CPED1: variants seen among roughly 807,000 people sequenced by gnomAD.
CPED1 encodes the protein cadherin-like and PC-esterase domain-containing protein 1.
Under a neutral mutation model 128.2 loss-of-function variants are expected in CPED1, and 114 were observed. The observed-to-expected ratio is 0.89, with a 90% CI of 0.76 to 1.04. CPED1 has a LOEUF of 1.04. CPED1 is among the 50% of genes least tolerant of loss of function. CPED1 has a pLI of 0.00. For synonymous variants in CPED1, 462 were observed against 426.7 expected (o/e 1.08, Z -1.02); for missense variants, 1,211 against 1,207.1 (o/e 1.00, Z -0.05).
At chr7:121,013,415 C>G (rs2116805093) in intron 2 of CPED1, among the ~76,000 whole-genome samples, 1 of 152,258 alleles carries the variant, frequency 6.6e-6, no homozygotes, top group South Asian at 2.1e-4. Context: ...AGCTACAGTT[C>G]TATTCTTTTT....
chr7:121,292,428 A>G (rs980583112), intron 22 of CPED1, among the ~76,000 whole-genome samples: 2 of 152,000 alleles, frequency 1.3e-5, no homozygotes, highest in Admixed American at 1.3e-4. Flanking sequence ...ACCTTTTATC[A>G]AGGTTCTTAA....
chr7:121,290,186 T>G (rs556472544), intron 22 of CPED1, among the ~76,000 whole-genome samples: 6 of 152,236 alleles, frequency 3.9e-5, no homozygotes, highest in Non-Finnish European at 7.3e-5. Flanking sequence ...ACGTGCCACA[T>G]TTTCCTCATC....
chr7:121,154,462 A>G (rs1796234409), intron 16 of CPED1, among the ~76,000 whole-genome samples: 1 of 152,010 alleles, frequency 6.6e-6, no homozygotes, highest in African/African-American at 2.4e-5. Flanking sequence ...TTTGAGGTAT[A>G]TTCATTCTAT....
intron 16 of CPED1, among the ~76,000 whole-genome samples, chr7:121,168,175 T>C (rs1055009561): frequency 3.3e-5 from 5 of 152,208 alleles, no homozygotes; most frequent in Non-Finnish European, 7.3e-5. Flanking sequence ...CTCTTACTGG[T>C]CAGAGGTTTA....
At chr7:121,224,767 G>T (rs957347667) in intron 16 of CPED1, among the ~76,000 whole-genome samples, 1 of 144,042 alleles carries the variant, frequency 6.9e-6, no homozygotes, top group African/African-American at 2.6e-5. Context: ...TTTTATCAGA[G>T]ACTAGGATTG....
chr7:121,141,082 A>G, intron 15 of CPED1, 69 bp downstream of exon 15: 2 of 1,292,458 alleles, frequency 1.5e-6, no homozygotes, highest in African/African-American at 1.5e-5. Context: ...GCAAACTTTG[A>G]AAGTGGTTCA....
At chr7:121,291,119 G>A (rs1014098041) in intron 22 of CPED1, among the ~76,000 whole-genome samples, 6 of 152,280 alleles carry the variant, frequency 3.9e-5, no homozygotes, top group African/African-American at 7.2e-5. Flanking sequence ...TTGTAGATGT[G>A]TGGTGTCATT....
At chr7:121,185,026 A>G (rs1796973211) in intron 16 of CPED1, among the ~76,000 whole-genome samples, 1 of 152,164 alleles carries the variant, frequency 6.6e-6, no homozygotes, top group East Asian at 1.9e-4. Flanking sequence ...ATCACACACC[A>G]GCTTTCAGCA....
chr7:121,234,774 A>G (rs1023242403), intron 16 of CPED1, among the ~76,000 whole-genome samples: 2 of 152,054 alleles, frequency 1.3e-5, no homozygotes, highest in African/African-American at 2.4e-5. Flanking sequence ...TTCCCACAAA[A>G]TCAATATTTA....
intron 7 of CPED1, among the ~76,000 whole-genome samples, chr7:121,118,290 C>T (rs1431260475): frequency 2.0e-5 from 3 of 152,014 alleles, no homozygotes; most frequent in East Asian, 1.9e-4. Flanking sequence ...CGGCTGGGCG[C>T]GGTGGCTCAA....
chr7:121,003,921 T>C (rs1791934432), intron 2 of CPED1, among the ~76,000 whole-genome samples: 2 of 152,126 alleles, frequency 1.3e-5, no homozygotes, highest in Non-Finnish European at 2.9e-5. Context: ...TGCCCAGACA[T>C]AAATGTGTGC....
intron 16 of CPED1, among the ~76,000 whole-genome samples, chr7:121,159,576 T>C (rs915069353): frequency 1.3e-4 from 20 of 152,332 alleles, no homozygotes; most frequent in South Asian, 2.1e-4. Flanking sequence ...CTACCTCTTA[T>C]TGTTACCAAA....
chr7:121,209,674 C>T (rs1313176450), intron 16 of CPED1, among the ~76,000 whole-genome samples: 1 of 151,944 alleles, frequency 6.6e-6, no homozygotes, highest in East Asian at 1.9e-4. Flanking sequence ...TGAGGAAACT[C>T]TCCAGAACAT....
intron 3 of CPED1, among the ~76,000 whole-genome samples, chr7:121,019,111 C>T (rs1792375186): frequency 6.6e-6 from 1 of 151,920 alleles, no homozygotes; most frequent in African/African-American, 2.4e-5. Flanking sequence ...ATACTAGACA[C>T]TTATTGAAAA....
rs140718168 is a variant in CPED1, at chr7:121,014,140, T to C, written c.250-1525T>C. On this transcript the variant is annotated intron_variant, in intron 2 of 22. Transcript: ENST00000310396. ...AGGAAGGAATTGTAGGTGGAAGGAA[T>C]AGTGATGTATAAAGGAGCAGGTTGT... Among the ~76,000 whole-genome samples, 683 of 152,286 alleles carry C rather than the reference T, an allele frequency of 4.5e-3. 5 individuals carry two copies. The highest frequency in any genetic ancestry group is 0.015 in the African/African-American group (642 of 41,564).
At chr7:120,989,304 T>C in intron 1 of CPED1, 87 bp from the exon 2 acceptor site, 1 of 327,570 alleles carries the variant, frequency 3.1e-6, no homozygotes, top group East Asian at 7.9e-5. Context: ...GAATAAGGCA[T>C]TGCTGGAAGC....
chr7:121,020,595 C>T (rs1173892162), intron 3 of CPED1, among the ~76,000 whole-genome samples: 2 of 151,642 alleles, frequency 1.3e-5, no homozygotes, highest in African/African-American at 4.8e-5. Flanking sequence ...TTAACTTACA[C>T]CAAATCTTAT....
chr7:121,246,650 G>C (rs1798541856), intron 18 of CPED1, among the ~76,000 whole-genome samples: 1 of 152,154 alleles, frequency 6.6e-6, no homozygotes, highest in Admixed American at 6.5e-5. Context: ...TCACATTGGA[G>C]ATTAGTGTTT....
chr7:121,277,115 GC>G (rs915384173), intron 22 of CPED1, among the ~76,000 whole-genome samples: 1 of 152,036 alleles, frequency 6.6e-6, no homozygotes, highest in African/African-American at 2.4e-5. Context: ...ACAAAAGCAA[GC>G]CTGGTTTTAA....
Sources: gnomAD v4.1 joint callset for allele counts (sites outside exome capture counted in the v4.1 genomes callset) on GRCh38, gnomAD v4.1.1 for gene constraint, MANE v1.5 for transcripts, NCBI Gene and HGNC (gene_info 2026-07-23, HGNC 2026-07-21) for gene names.